The following PXK variants were observed in gnomAD, a reference collection of about 807,000 sequenced individuals.
PXK encodes the protein PX domain containing serine/threonine kinase like, also known as PX domain-containing protein kinase-like protein.
Under a neutral mutation model 84.7 loss-of-function variants are expected in PXK, and 35 were observed. That is an observed-to-expected ratio of 0.41 (90% CI 0.32 to 0.55). PXK has a LOEUF of 0.55. PXK is among the 20% of genes least tolerant of loss of function. The probability of loss-of-function intolerance (pLI) is 0.21; values close to 1 mark genes in which losing one functional copy is unlikely to be tolerated. For synonymous variants in PXK, 253 were observed against 260.8 expected, an observed-to-expected ratio of 0.97 and a Z score of 0.29; for missense variants, 634 against 699.7, an observed-to-expected ratio of 0.91 and a Z score of 1.06.
rs772676310 is a variant in PXK, at chr3:58,403,936, G to T, written c.1230+26G>T. On this transcript the variant is annotated intron_variant, in intron 13 of 17. Transcript: ENST00000356151. ...GTAAAGACAATTATATCGTTTTTTG[G>T]TTTGTGACATAACTAAGTTGACTTT... The T allele has an allele frequency of 9.0e-6, 13 of 1,443,290 alleles. No homozygotes were observed. The African/African-American group carries it at 1.8e-4, about 20-fold the overall frequency. 89.4% of individuals were successfully genotyped at this position (1,443,290 alleles called of 1,614,324 possible).
At chr3:58,344,830 A>C (rs1187796650) in intron 1 of PXK, among the ~76,000 whole-genome samples, 1 of 152,154 alleles carries the variant, frequency 6.6e-6, no homozygotes, top group Non-Finnish European at 1.5e-5. Flanking sequence ...CTCCATCTCA[A>C]AACAAAACAA....
At chr3:58,392,150 T>C (rs1184464510) in intron 7 of PXK, among the ~76,000 whole-genome samples, 1 of 152,078 alleles carries the variant, frequency 6.6e-6, no homozygotes, top group African/African-American at 2.4e-5. Context: ...TTTATCTCAG[T>C]GGAACTGAAA....
chr3:58,389,387 G>A (rs1292765185), intron 4 of PXK, among the ~76,000 whole-genome samples: 1 of 152,134 alleles, frequency 6.6e-6, no homozygotes, highest in Non-Finnish European at 1.5e-5. Context: ...TTGGGTTGTG[G>A]TCTGGTGCAT....
At chr3:58,348,096 G>A (rs1320985279) in intron 1 of PXK, among the ~76,000 whole-genome samples, 1 of 152,128 alleles carries the variant, frequency 6.6e-6, no homozygotes, top group African/African-American at 2.4e-5. Flanking sequence ...TTTCAGTAGA[G>A]GTGGGGTTTT....
intron 13 of PXK, among the ~76,000 whole-genome samples, chr3:58,404,224 G>C (rs560365738): frequency 6.6e-6 from 1 of 152,274 alleles, no homozygotes; most frequent in African/African-American, 2.4e-5. Flanking sequence ...TCTTCTCCTG[G>C]GAAGCAGTGG....
Position 58,397,461 on chromosome 3 carries a change from A to G in PXK, c.985-144A>G, listed in dbSNP as rs957225273. 1.2e-6 allele frequency: 1 copy of G among 815,726 alleles called. No homozygotes were observed. Among genetic ancestry groups the G allele is most frequent in the African/African-American group, 1.7e-5 (1 of 59,120 alleles). 50.5% of individuals were successfully genotyped at this position (815,726 alleles called of 1,614,324 possible). On this transcript the variant is annotated intron_variant, in intron 10 of 17. Transcript: ENST00000356151. The surrounding 1 kb of genome is among the most constrained non-coding windows in gnomAD (Gnocchi z 4.7). ...TGGGATACCTCATGAGGTTTTACAG[A>G]AGGCTTTGGAGTTGCATTTACGTTA... is the stretch of plus-strand genomic sequence containing the variant.
At chr3:58,393,341 C>T (rs552562940) in intron 7 of PXK, among the ~76,000 whole-genome samples, 9 of 151,504 alleles carry the variant, frequency 5.9e-5, no homozygotes, top group Admixed American at 1.3e-4. Flanking sequence ...GAGCAGACTC[C>T]GTCTCAAAAA....
chr3:58,420,519 C>A, intron 17 of PXK: 1 of 1,535,890 alleles, frequency 6.5e-7, no homozygotes, highest in Non-Finnish European at 8.7e-7. Context: ...TTCTCTCTCT[C>A]TCTTTGCTGT....
Position 58,409,620 on chromosome 3 carries a change from TA to T in PXK, c.1395+4del. On this transcript the variant is annotated splice_donor_region_variant and intron_variant, in intron 15 of 17. Transcript: ENST00000356151. This position sits in a 1 kb window ranked among gnomAD's most constrained non-coding sequence, Gnocchi z 4.2. ...AAAAGAAAGATTTTAGCTCGAAAGGTAAGCCTGCTGTCTCTCTGCAGTCCCT... is the reference window on the plus strand; with the variant it reads ...AAAAGAAAGATTTTAGCTCGAAAGGTAGCCTGCTGTCTCTCTGCAGTCCCT... 6.2e-7 allele frequency: 1 copy of T among 1,609,562 alleles called. No individual in the cohort carries two copies. The highest frequency in any genetic ancestry group is 2.2e-5 in the East Asian group (1 of 44,802).
intron 1 of PXK, among the ~76,000 whole-genome samples, chr3:58,347,975 G>A (rs2097852480): frequency 6.6e-6 from 1 of 152,136 alleles, no homozygotes; most frequent in African/African-American, 2.4e-5. Context: ...GTGCAGTGGT[G>A]TGAAGTTGGC....
rs1033673004 is a variant in PXK, at chr3:58,364,584, C to T, written c.103-1290C>T. ...AAAATTAGCCGGGAACAGTGGCAGG[C>T]ACCTGTAATCCCAGCTACTCAGGAG... On this transcript the variant is annotated intron_variant, in intron 1 of 17. Transcript: ENST00000356151. This position sits in a 1 kb window ranked among gnomAD's most constrained non-coding sequence, Gnocchi z 4.3. Among the ~76,000 whole-genome samples the T allele has an allele frequency of 6.6e-6, 1 of 152,010 alleles. No homozygotes were observed. Among genetic ancestry groups the T allele is most frequent in the Non-Finnish European group, 1.5e-5 (1 of 68,006 alleles).
rs542704651 is a variant in PXK at position 58,343,184 on chromosome 3, G to A, written c.102+10094G>A. Among the ~76,000 whole-genome samples the A allele has an allele frequency of 1.1e-4, 16 of 152,276 alleles. 1 individual carries two copies. The highest frequency in any genetic ancestry group is 3.8e-4 in the African/African-American group (16 of 41,572). ...CGTTCATTCATTGCCTTCCTTTTGA[G>A]CCTGCCCTTCCACCAGGTAACAAGT... On this transcript the variant is annotated intron_variant, in intron 1 of 17. Transcript: ENST00000356151.
rs982605914 is a variant in PXK at position 58,365,996 on chromosome 3, G to A, written c.153+72G>A. 13 of 1,287,312 alleles carry A rather than the reference G, an allele frequency of 1.0e-5. No homozygotes were observed. In the Admixed American group the frequency reaches 3.0e-4, roughly 30 times the overall value. The allele number at this position is 1,287,312 out of a possible 1,614,324, so 79.7% of individuals were successfully genotyped here. A position where few individuals can be genotyped will look rare whatever the true frequency, so the allele number is the denominator to read the frequency against. Reference sequence around the variant, plus strand: ...TGCGTGACTAAAACCCTGACTTGGGGCCTCTGAAAGTCTGGAAAAATCAGA... The same window carrying A: ...TGCGTGACTAAAACCCTGACTTGGGACCTCTGAAAGTCTGGAAAAATCAGA... On this transcript the variant is annotated intron_variant, in intron 2 of 17. Coordinates refer to ENST00000356151, the MANE Select transcript of PXK (RefSeq NM_017771.5).
At chr3:58,336,098 T>C (rs981136704) in intron 1 of PXK, among the ~76,000 whole-genome samples, 5 of 132,342 alleles carry the variant, frequency 3.8e-5, no homozygotes, top group Admixed American at 8.5e-5. Context: ...TTAATACCAA[T>C]GGGGTTCTTG....
At chr3:58,394,476 A>G (rs2057322796) in intron 7 of PXK, among the ~76,000 whole-genome samples, 1 of 152,210 alleles carries the variant, frequency 6.6e-6, no homozygotes, top group African/African-American at 2.4e-5. Context: ...GAGATTCCAG[A>G]AGATGCTACT....
chr3:58,391,188 A>T lies in PXK; in HGVS notation c.508A>T (p.Asn170Tyr). Residue 170 changes from asparagine (N) to tyrosine (Y), a missense_variant, in exon 6 of 18, where the codon AAT (asparagine) becomes TAT (tyrosine). Asn to Tyr is a moderately radical substitution (Grantham distance 143, BLOSUM62 -2). Around this residue, in one of 3 missense-constraint regions of PXK, gnomAD observed 353 missense variants for 385.2 expected, o/e 0.92. Coordinates refer to ENST00000356151, the MANE Select transcript of PXK (RefSeq NM_017771.5). ...RKKYFLMKIK[N>Y]QPKERLVLSW... ...GAAATATTTCTTGATGAAGATTAAA[A>T]ATCAGCCAAAGGAACGGCTAGTGTT... 6.2e-7 allele frequency: 1 copy of T among 1,613,850 alleles called. No homozygotes were observed. Among genetic ancestry groups the T allele is most frequent in the Non-Finnish European group, 8.5e-7 (1 of 1,179,812 alleles).
At chr3:58,344,827 TCAAAA>T (rs577904425) in intron 1 of PXK, among the ~76,000 whole-genome samples, 4 of 152,010 alleles carry the variant, frequency 2.6e-5, no homozygotes, top group South Asian at 2.1e-4. Context: ...AAACTCCATC[TCAAAA>T]CAAAACAAAA....
intron 17 of PXK, among the ~76,000 whole-genome samples, chr3:58,423,664 C>T (rs2062317087): frequency 6.6e-6 from 1 of 152,132 alleles, no homozygotes; most frequent in Admixed American, 6.6e-5. Context: ...TAGGGGAAAC[C>T]ACCTGGCAGA....
intron 1 of PXK, among the ~76,000 whole-genome samples, chr3:58,365,552 G>C (rs1196017383): frequency 6.6e-6 from 1 of 152,178 alleles, no homozygotes; most frequent in Non-Finnish European, 1.5e-5. Context: ...CTGTTTAGTT[G>C]TTCTGTCAAT....
Sources: allele counts gnomAD v4.1 joint callset (sites outside exome capture counted in the v4.1 genomes callset), GRCh38; gene constraint gnomAD v4.1.1; regional missense constraint gnomAD v4.1.1; non-coding constraint Gnocchi (gnomAD v3.1); transcripts MANE v1.5; gene names NCBI Gene and HGNC (gene_info 2026-07-23, HGNC 2026-07-21).